Variants in EEF1AKMT1 observed in about 807,000 individuals in gnomAD.
EEF1AKMT1 encodes EEF1A lysine methyltransferase 1.
A neutral mutation model predicts 21.0 loss-of-function variants in EEF1AKMT1; 18 were observed. The observed-to-expected ratio is 0.86, with a 90% CI of 0.59 to 1.27. EEF1AKMT1 has a LOEUF of 1.27. Ranked by LOEUF, EEF1AKMT1 falls within the 50% of genes most tolerant of loss-of-function variation. The pLI, the probability that EEF1AKMT1 is intolerant of heterozygous loss-of-function variation, is 0.00. For synonymous variants in EEF1AKMT1, 109 were observed against 94.8 expected (o/e 1.15, Z -0.87); for missense variants, 246 against 258.6 (o/e 0.95, Z 0.33).
At chr13:20,736,799 G>A (rs1312744144) in intron 3 of EEF1AKMT1, among the ~76,000 whole-genome samples, 2 of 132,134 alleles carry the variant, frequency 1.5e-5, no homozygotes, top group South Asian at 2.5e-4. Flanking sequence ...GTGCAGTGGT[G>A]TGATCTTGGC....
intron 1 of EEF1AKMT1, among the ~76,000 whole-genome samples, chr13:20,763,658 G>C (rs1344377591): frequency 6.6e-6 from 1 of 152,022 alleles, no homozygotes; most frequent in African/African-American, 2.4e-5. Flanking sequence ...TCACCATGTT[G>C]GCCAGGCCAG....
intron 1 of EEF1AKMT1, among the ~76,000 whole-genome samples, chr13:20,762,688 A>AT (rs1355760340): frequency 6.6e-6 from 1 of 151,372 alleles, no homozygotes; most frequent in Non-Finnish European, 1.5e-5. Flanking sequence ...TAACATTTTT[A>AT]TTTTTTGTAG....
At chr13:20,737,483 AAAGAT>A (rs1317718540) in intron 3 of EEF1AKMT1, among the ~76,000 whole-genome samples, 1 of 152,260 alleles carries the variant, frequency 6.6e-6, no homozygotes, top group East Asian at 1.9e-4. Context: ...CTATAACTAT[AAAGAT>A]AAGAAACAGG....
intron 2 of EEF1AKMT1, among the ~76,000 whole-genome samples, chr13:20,751,225 C>T (rs984006670): frequency 6.6e-6 from 1 of 152,082 alleles, no homozygotes; most frequent in Non-Finnish European, 1.5e-5. Flanking sequence ...CTTTTGAGGT[C>T]TTAGCCATGA....
At chr13:20,773,645 G>C (rs1055514960) in intron 1 of EEF1AKMT1, among the ~76,000 whole-genome samples, 2 of 152,256 alleles carry the variant, frequency 1.3e-5, no homozygotes, top group African/African-American at 4.8e-5. Context: ...GGCTGCCTAA[G>C]GCCCGGGCGC....
intron 1 of EEF1AKMT1, among the ~76,000 whole-genome samples, chr13:20,761,586 T>C (rs2059001841): frequency 6.6e-6 from 1 of 152,192 alleles, no homozygotes; most frequent in African/African-American, 2.4e-5. Flanking sequence ...AAGAGTATGA[T>C]GTTGGATTTT....
intron 1 of EEF1AKMT1, among the ~76,000 whole-genome samples, chr13:20,762,530 T>A (rs1172705396): frequency 6.6e-6 from 1 of 151,754 alleles, no homozygotes; most frequent in Non-Finnish European, 1.5e-5. Flanking sequence ...AGAGCAGATA[T>A]CCTACACTTG....
At chr13:20,772,553 A>T (rs957074785) in intron 1 of EEF1AKMT1, among the ~76,000 whole-genome samples, 1 of 152,222 alleles carries the variant, frequency 6.6e-6, no homozygotes, top group Non-Finnish European at 1.5e-5. Flanking sequence ...AGGCAGACAC[A>T]TGGCGAACAC....
intron 1 of EEF1AKMT1, 53 bp from the exon 2 acceptor site, chr13:20,757,670 C>A: frequency 2.1e-6 from 3 of 1,421,196 alleles, no homozygotes; most frequent in Non-Finnish European, 2.8e-6. Context: ...CCTTCCCAGC[C>A]AGTAATAATT....
chr13:20,750,491 G>A (rs948618926), intron 2 of EEF1AKMT1, among the ~76,000 whole-genome samples: 5 of 151,980 alleles, frequency 3.3e-5, no homozygotes, highest in African/African-American at 7.3e-5. Context: ...ATGACCTCCC[G>A]TTCCATCCAC....
intron 2 of EEF1AKMT1, among the ~76,000 whole-genome samples, chr13:20,744,876 G>A (rs2058893995): frequency 6.6e-6 from 1 of 152,122 alleles, no homozygotes. Flanking sequence ...GTGTAAGGAA[G>A]GGGCCCAGTT....
chr13:20,744,346 T>G (rs1189891483), intron 2 of EEF1AKMT1, among the ~76,000 whole-genome samples: 5 of 152,220 alleles, frequency 3.3e-5, no homozygotes. Context: ...GCCAGCCTGT[T>G]GTTTCCTGAC....
At chr13:20,739,128 A>T (rs996344577) in intron 2 of EEF1AKMT1, among the ~76,000 whole-genome samples, 1 of 152,080 alleles carries the variant, frequency 6.6e-6, no homozygotes, top group Non-Finnish European at 1.5e-5. Flanking sequence ...TACAACTCCT[A>T]AGATGGCACA....
intron 1 of EEF1AKMT1, among the ~76,000 whole-genome samples, chr13:20,759,675 G>A (rs1000239912): frequency 6.7e-6 from 1 of 149,910 alleles, no homozygotes; most frequent in Non-Finnish European, 1.5e-5. Flanking sequence ...AGTGGGCAAA[G>A]TACATGATTA....
Position 20,733,514 on chromosome 13 carries a change from G to A in EEF1AKMT1, c.228-1393C>T, listed in dbSNP as rs541840609. The stretch of plus-strand genomic sequence containing the variant: ...AGGCGTGAGCCACTGTGCCCAGCTG[G>A]TATGCCTATTACAATGGAAAGTTCT... On this transcript the variant is annotated intron_variant, in intron 3 of 4. Transcript: ENST00000382758. Among the ~76,000 whole-genome samples the A allele has an allele frequency of 2.6e-5, 4 of 152,318 alleles. No homozygotes were observed. In the East Asian group the frequency reaches 7.7e-4, roughly 29 times the overall value.
At chr13:20,733,912 C>G (rs907569093) in intron 3 of EEF1AKMT1, among the ~76,000 whole-genome samples, 2 of 152,212 alleles carry the variant, frequency 1.3e-5, no homozygotes, top group Non-Finnish European at 2.9e-5. Flanking sequence ...TACTTAGGTA[C>G]CCATGCCGGG....
At chr13:20,765,259 C>T (rs575852476) in intron 1 of EEF1AKMT1, among the ~76,000 whole-genome samples, 2 of 151,864 alleles carry the variant, frequency 1.3e-5, no homozygotes, top group African/African-American at 2.4e-5. Flanking sequence ...GACTCCAACT[C>T]GAAAATAAAA....
At chr13:20,735,368 C>G (rs1390771293) in intron 3 of EEF1AKMT1, among the ~76,000 whole-genome samples, 1 of 152,128 alleles carries the variant, frequency 6.6e-6, no homozygotes, top group African/African-American at 2.4e-5. Flanking sequence ...GGAGTGTTGT[C>G]TGGATGGGGG....
chr13:20,739,928 C>T (rs1478659380), intron 2 of EEF1AKMT1, among the ~76,000 whole-genome samples: 2 of 152,260 alleles, frequency 1.3e-5, no homozygotes, highest in Admixed American at 6.5e-5. Context: ...ATGCCATGTG[C>T]CAGTGCTTCT....
Sources: gnomAD v4.1 joint callset for allele counts (sites outside exome capture counted in the v4.1 genomes callset) on GRCh38, gnomAD v4.1.1 for gene constraint, MANE v1.5 for transcripts, NCBI Gene and HGNC (gene_info 2026-07-23, HGNC 2026-07-21) for gene names.